The following SETD2 variants were observed in gnomAD, a reference collection of about 807,000 sequenced individuals.
SETD2 encodes the protein SET domain containing 2, histone lysine methyltransferase, also known as histone-lysine N-methyltransferase SETD2.
SETD2 carries 31 observed loss-of-function variants against 242.1 expected under a neutral mutation model. The ratio of observed to expected loss-of-function variants is 0.13; its 90% confidence interval spans 0.10 to 0.17. The LOEUF is 0.17. Ranked by LOEUF, SETD2 falls within the 10% of genes least tolerant of loss-of-function variation. SETD2 has a pLI of 1.00. For missense variants in SETD2, 2,481 were observed against 3,046.3 expected (o/e 0.81, Z 4.37); for synonymous variants, 1,006 against 1,066.5 (o/e 0.94, Z 1.11).
chr3:47,067,001 C>A, intron 13 of SETD2, 69 bp downstream of exon 13: 1 of 1,135,928 alleles, frequency 8.8e-7, no homozygotes, highest in South Asian at 1.4e-5. Context: ...AAGTTCTTAT[C>A]AGTTACCTCT....
chr3:47,075,266 A>G (rs1456608181), intron 12 of SETD2, among the ~76,000 whole-genome samples: 4 of 152,202 alleles, frequency 2.6e-5, no homozygotes, highest in African/African-American at 9.7e-5. Flanking sequence ...CAGATTAAGA[A>G]TGATCTAAAA....
At chr3:47,052,373 A>G (rs2039884418) in intron 15 of SETD2, among the ~76,000 whole-genome samples, 1 of 152,070 alleles carries the variant, frequency 6.6e-6, no homozygotes, top group Non-Finnish European at 1.5e-5. Flanking sequence ...GGGTCTCACT[A>G]TGTTGCCCAA....
intron 8 of SETD2, among the ~76,000 whole-genome samples, chr3:47,100,968 C>G (rs1279167352): frequency 1.4e-5 from 2 of 142,996 alleles, no homozygotes; most frequent in East Asian, 4.1e-4. Flanking sequence ...CAAGATCACG[C>G]CACTGCACTC....
chr3:47,143,083 A>G (rs947345499), intron 1 of SETD2, among the ~76,000 whole-genome samples: 4 of 152,180 alleles, frequency 2.6e-5, no homozygotes, highest in Admixed American at 6.5e-5. Flanking sequence ...CTTGAGCCCA[A>G]GGAGCTCAAG....
chr3:47,121,262 C>T lies in SETD2; in HGVS notation c.3374G>A (p.Cys1125Tyr), dbSNP rs767731111. 1 of 1,614,014 alleles carries T rather than the reference C, an allele frequency of 6.2e-7. No individual in the cohort carries two copies. The highest frequency in any genetic ancestry group is 8.5e-7 in the Non-Finnish European group (1 of 1,180,024). Reference sequence around the variant, plus strand: ...AAGGAAAAACTTATCAGTTTGAGGACAGGCTTTACTTGCTATACTTTCAAA... The same window carrying T: ...AAGGAAAAACTTATCAGTTTGAGGATAGGCTTTACTTGCTATACTTTCAAA... The part of the protein sequence containing the change: ...EKFESIASKA[C>Y]PQTDKFFLHK... The change falls in exon 3 of 21, where the codon TGT (cysteine) becomes TAT (tyrosine). Residue 1125 changes from cysteine (C) to tyrosine (Y), a missense_variant. Cys to Tyr is a radical substitution (Grantham distance 194). This residue lies in a region of SETD2 where 1,300 missense variants were observed against 1,259.2 expected (regional missense o/e 1.03). Transcript: ENST00000409792.
At chr3:47,024,741 G>T (rs889580900) in intron 18 of SETD2, among the ~76,000 whole-genome samples, 2 of 152,328 alleles carry the variant, frequency 1.3e-5, no homozygotes, top group Non-Finnish European at 1.5e-5. Context: ...AACATAGTTA[G>T]AGGAGATCTA....
At chr3:47,133,933 G>C (rs557733462) in intron 1 of SETD2, among the ~76,000 whole-genome samples, 42 of 152,244 alleles carry the variant, frequency 2.8e-4, no homozygotes, top group Non-Finnish European at 5.1e-4. Flanking sequence ...ACAAAAGAAA[G>C]GAAGCCACCA....
Position 47,056,835 on chromosome 3 carries a change from G to A in SETD2, c.6949C>T (p.Pro2317Ser). The A allele has an allele frequency of 6.2e-7, 1 of 1,612,832 alleles. No individual in the cohort carries two copies. The highest frequency in any genetic ancestry group is 1.1e-5 in the South Asian group (1 of 91,062). ...GVTSPYSQTTPPIVQSYAQPS... is the reference protein window; with the variant it reads ...GVTSPYSQTTSPIVQSYAQPS... Reference sequence around the variant, plus strand: ...GAATTAGTTACCTGTACAATTGGTGGAGTTGTCTGTGAATAAGGTGATGTC... The same window carrying A: ...GAATTAGTTACCTGTACAATTGGTGAAGTTGTCTGTGAATAAGGTGATGTC... Residue 2317 changes from proline to serine, a missense_variant, in exon 15 of 21, where the codon CCA becomes TCA. Physicochemically the swap from Pro to Ser is moderately conservative, Grantham distance 74 (BLOSUM62 -1). Around this residue, in one of 17 missense-constraint regions of SETD2, gnomAD observed 235 missense variants for 293.9 expected, o/e 0.80. Coordinates refer to ENST00000409792, the MANE Select transcript of SETD2 (RefSeq NM_014159.7).
chr3:47,145,514 G>C (rs1167939601), intron 1 of SETD2: 1 of 435,986 alleles, frequency 2.3e-6, no homozygotes, highest in South Asian at 1.6e-5. Flanking sequence ...CCTACCTCAG[G>C]CTCCTGAAGG....
At chr3:47,040,569 ATTT>A (rs34309892) in intron 17 of SETD2, among the ~76,000 whole-genome samples, 23 of 91,714 alleles carry the variant, frequency 2.5e-4, no homozygotes, top group African/African-American at 9.2e-4. Context: ...AGGGAAAAGG[ATTT>A]TTTTTTTTTT....
At chr3:47,146,807 G>A (rs7626451) in intron 1 of SETD2, among the ~76,000 whole-genome samples, 7 of 151,108 alleles carry the variant, frequency 4.6e-5, no homozygotes, top group African/African-American at 1.2e-4. Flanking sequence ...GTATACTGGC[G>A]TTTGCCTGTG....
At chr3:47,163,630 C>T (rs1364569747) in intron 1 of SETD2, 1 of 246,918 alleles carries the variant, frequency 4.0e-6, no homozygotes, top group Non-Finnish European at 7.4e-6. Context: ...GCCGCCGCGA[C>T]ACGAGCAGCG....
chr3:47,059,388 TTA>T (rs2040236957), intron 14 of SETD2, among the ~76,000 whole-genome samples: 1 of 151,868 alleles, frequency 6.6e-6, no homozygotes, highest in Non-Finnish European at 1.5e-5. Context: ...AGTGCTGGGA[TTA>T]TAGGCGTGAG....
In SETD2 at chr3:47,163,930, G is replaced by A. The variant is rs764206029; in HGVS notation, c.-6C>T. 55 of 1,300,118 alleles carry A rather than the reference G, an allele frequency of 4.2e-5. No individual in the cohort carries two copies. Among genetic ancestry groups the A allele is most frequent in the East Asian group, 5.8e-5 (2 of 34,262 alleles). The allele number at this position is 1,300,118 out of a possible 1,614,324, so 80.5% of individuals were successfully genotyped here. A position where few individuals can be genotyped will look rare whatever the true frequency, so the allele number is the denominator to read the frequency against. On this transcript the variant is annotated 5_prime_UTR_variant, in exon 1 of 21. Transcript: ENST00000409792. The stretch of plus-strand genomic sequence containing the variant: ...TGCGGCTGCAGCTGCTTCATCGGGA[G>A]CGGCTGGAGACGGCGACGCGAGCCC...
At position 47,119,793 on chromosome 3, in the gene SETD2, G is replaced by T. The variant is rs1294455927; in HGVS notation, c.4454+389C>A. Reference sequence around the variant, plus strand: ...AAGATACTTCATTCTGCACATTTTTGAAAATAAAATCCAAAGTAACCACTT... The same window carrying T: ...AAGATACTTCATTCTGCACATTTTTTAAAATAAAATCCAAAGTAACCACTT... On this transcript the variant is annotated intron_variant, in intron 3 of 20. Coordinates refer to ENST00000409792, the MANE Select transcript of SETD2 (RefSeq NM_014159.7). 6.4e-6 allele frequency: 3 copies of T among 472,108 alleles called. No individual in the cohort carries two copies. In the East Asian group the frequency reaches 2.1e-4, roughly 33 times the overall value. 29.2% of individuals were successfully genotyped at this position (472,108 alleles called of 1,614,324 possible).
intron 17 of SETD2, among the ~76,000 whole-genome samples, chr3:47,038,678 T>A (rs1200704346): frequency 6.6e-6 from 1 of 151,962 alleles, no homozygotes; most frequent in African/African-American, 2.4e-5. Context: ...CCCGACCGAC[T>A]GCAAAAAGAA....
intron 12 of SETD2, among the ~76,000 whole-genome samples, chr3:47,071,767 C>T (rs1029619840): frequency 6.6e-6 from 1 of 151,944 alleles, no homozygotes; most frequent in Non-Finnish European, 1.5e-5. Context: ...TTAATAAACA[C>T]TTGAACAAGT....
chr3:47,124,200 T>C lies in SETD2; in HGVS notation c.436A>G (p.Lys146Glu), dbSNP rs1451896896. 7.1e-6 allele frequency: 11 copies of C among 1,551,734 alleles called. No homozygotes were observed. Among genetic ancestry groups the C allele is most frequent in the African/African-American group, 2.7e-5 (2 of 73,056 alleles). Residue 146 changes from lysine (K) to glutamate (E), a missense_variant, in exon 3 of 21, where the codon AAA becomes GAA. Physicochemically the swap from Lys to Glu is moderately conservative, Grantham distance 56. Transcript: ENST00000409792. Reference protein sequence around the residue: ...RVELGKIHFKKHLLHVTSRPL... With the variant: ...RVELGKIHFKEHLLHVTSRPL... ...CTGGATGTTACATGAAGCAGATGTT[T>C]CTTAAAATGAATTTTGCCCAATTCC...
In SETD2 at chr3:47,098,105, A is replaced by G. The variant is rs2042075314; in HGVS notation, c.5016-24T>C. Reference sequence around the variant, plus strand: ...TTCTGTTCAAAGAGCATAGGAAAGAAGTCAGCTATGTGGAAGTAAACCATA... The same window carrying G: ...TTCTGTTCAAAGAGCATAGGAAAGAGGTCAGCTATGTGGAAGTAAACCATA... On this transcript the variant is annotated intron_variant, in intron 8 of 20. Coordinates refer to ENST00000409792, the MANE Select transcript of SETD2 (RefSeq NM_014159.7). 8 of 1,612,964 alleles carry G rather than the reference A, an allele frequency of 5.0e-6. No homozygotes were observed. The Admixed American group carries it at 1.3e-4, about 27-fold the overall frequency.
Sources: gnomAD v4.1 joint callset for allele counts (sites outside exome capture counted in the v4.1 genomes callset) on GRCh38, gnomAD v4.1.1 for gene constraint, gnomAD v4.1.1 regional missense constraint, MANE v1.5 for transcripts, NCBI Gene and HGNC (gene_info 2026-07-23, HGNC 2026-07-21) for gene names.